Variants in RORA observed in about 807,000 individuals in gnomAD.
The protein encoded by RORA is nuclear receptor ROR-alpha.
In RORA, 7 loss-of-function variants were observed where a neutral mutation model predicts 69.5. The ratio of observed to expected loss-of-function variants is 0.10; its 90% CI spans 0.06 to 0.19. The LOEUF is 0.19. RORA is among the 10% of genes least tolerant of loss of function. The pLI is 1.00. For missense variants in RORA, 457 were observed against 663.0 expected, an observed-to-expected ratio of 0.69 and a Z score of 3.41; for synonymous variants, 261 against 240.8, an observed-to-expected ratio of 1.08 and a Z score of -0.78.
chr15:61,180,334 A>G (rs1363345826), intron 1 of RORA, among the ~76,000 whole-genome samples: 1 of 152,158 alleles, frequency 6.6e-6, no homozygotes, highest in Non-Finnish European at 1.5e-5. Context: ...GAGAAATAAT[A>G]TCTTCTACGA....
intron 1 of RORA, among the ~76,000 whole-genome samples, chr15:60,769,148 T>C (rs1423930516): frequency 6.6e-6 from 1 of 152,196 alleles, no homozygotes; most frequent in South Asian, 2.1e-4. Context: ...AACAGGTTCT[T>C]AGCTGTTAGT....
At chr15:60,658,126 G>A (rs968943504) in intron 2 of RORA, among the ~76,000 whole-genome samples, 2 of 151,866 alleles carry the variant, frequency 1.3e-5, no homozygotes, top group African/African-American at 4.8e-5. Flanking sequence ...TGTTGTCCAG[G>A]CTGGAGTGCA....
At chr15:60,581,204 A>G (rs189357113) in intron 2 of RORA, among the ~76,000 whole-genome samples, 3 of 152,348 alleles carry the variant, frequency 2.0e-5, no homozygotes, top group Admixed American at 2.0e-4. Context: ...GAAATTGCAT[A>G]GAAACTTCCA....
At chr15:60,880,806 G>T (rs2073670550) in intron 1 of RORA, among the ~76,000 whole-genome samples, 2 of 152,212 alleles carry the variant, frequency 1.3e-5, no homozygotes, top group South Asian at 4.2e-4. Flanking sequence ...ATAACACAAA[G>T]AAATTAAATT....
In RORA at chr15:60,981,197, T is replaced by C. The variant is rs574028904; in HGVS notation, c.166+247856A>G. On this transcript the variant is annotated intron_variant, in intron 1 of 10. Transcript: ENST00000335670. ...TGATAATTTTACTGAGGATTTCTTC[T>C]ATATAATAAGTTGCTTCTCTCTTAC... 9.2e-5 allele frequency among the ~76,000 whole-genome samples: 14 copies of C among 152,230 alleles called. No homozygotes were observed. The South Asian group carries it at 2.9e-3, about 32-fold the overall frequency.
At chr15:61,138,207 T>G (rs772404149) in intron 1 of RORA, among the ~76,000 whole-genome samples, 4 of 152,210 alleles carry the variant, frequency 2.6e-5, no homozygotes, top group Non-Finnish European at 4.4e-5. Context: ...ATGTATTTGG[T>G]TCTTAAGATT....
intron 1 of RORA, among the ~76,000 whole-genome samples, chr15:60,921,115 T>C (rs534567090): frequency 7.9e-5 from 12 of 152,312 alleles, no homozygotes; most frequent in East Asian, 1.9e-4. Context: ...AAATGGGTGA[T>C]AGAAAGAAAA....
intron 1 of RORA, among the ~76,000 whole-genome samples, chr15:60,911,276 C>T (rs938904648): frequency 2.6e-5 from 4 of 151,820 alleles, no homozygotes; most frequent in African/African-American, 4.8e-5. Flanking sequence ...TCCTCTGTGA[C>T]GGAAGCTCCT....
At chr15:60,880,754 T>C (rs534994582) in intron 1 of RORA, among the ~76,000 whole-genome samples, 32 of 152,200 alleles carry the variant, frequency 2.1e-4, no homozygotes, top group Non-Finnish European at 4.4e-4. Flanking sequence ...TATATGCATA[T>C]AGCAATAATC....
At chr15:61,048,035 A>G (rs1399186477) in intron 1 of RORA, among the ~76,000 whole-genome samples, 2 of 152,198 alleles carry the variant, frequency 1.3e-5, no homozygotes, top group Non-Finnish European at 2.9e-5. Context: ...TTGGAAAAGA[A>G]AACACACACC....
intron 1 of RORA, among the ~76,000 whole-genome samples, chr15:61,015,939 G>A (rs1319777490): frequency 6.6e-6 from 1 of 152,142 alleles, no homozygotes; most frequent in Non-Finnish European, 1.5e-5. Flanking sequence ...CACAGTTTAC[G>A]TGGAATATGG....
At chr15:60,645,484 T>G (rs958965060) in intron 2 of RORA, among the ~76,000 whole-genome samples, 27 of 150,446 alleles carry the variant, frequency 1.8e-4, no homozygotes, top group African/African-American at 6.6e-4. Context: ...CTCTGCCTCC[T>G]GGGTTCAAGC....
intron 1 of RORA, among the ~76,000 whole-genome samples, chr15:60,841,669 A>G (rs1330886906): frequency 2.6e-5 from 4 of 152,216 alleles, no homozygotes; most frequent in Non-Finnish European, 5.9e-5. Flanking sequence ...GAAGGCCACA[A>G]GTGGACAGGT....
intron 1 of RORA, among the ~76,000 whole-genome samples, chr15:60,710,852 GCAAAC>G (rs2071133028): frequency 6.6e-6 from 1 of 151,836 alleles, no homozygotes; most frequent in African/African-American, 2.4e-5. Flanking sequence ...AGAATCCCAG[GCAAAC>G]CTCCAATCCT....
intron 5 of RORA, among the ~76,000 whole-genome samples, chr15:60,507,902 A>G (rs932601080): frequency 2.0e-5 from 3 of 152,190 alleles, no homozygotes; most frequent in Non-Finnish European, 4.4e-5. Context: ...TTGTCTTAAG[A>G]AACTGTGGCC....
At chr15:61,218,715 C>A (rs4519292) in intron 1 of RORA, among the ~76,000 whole-genome samples, 2 of 149,522 alleles carry the variant, frequency 1.3e-5, no homozygotes, top group South Asian at 4.2e-4. Context: ...CACACAATTT[C>A]CTTCTACAAA....
intron 1 of RORA, among the ~76,000 whole-genome samples, chr15:60,752,357 G>A (rs984243953): frequency 1.3e-5 from 2 of 152,148 alleles, no homozygotes; most frequent in African/African-American, 4.8e-5. Flanking sequence ...AGTATGTAAA[G>A]CGCAGGGACG....
intron 2 of RORA, among the ~76,000 whole-genome samples, chr15:60,536,392 C>G (rs1045876057): frequency 6.6e-6 from 1 of 152,176 alleles, no homozygotes; most frequent in Non-Finnish European, 1.5e-5. Flanking sequence ...ACTTTAAGCT[C>G]TTTCCGAGGT....
chr15:60,894,378 G>C (rs1043311348), intron 1 of RORA, among the ~76,000 whole-genome samples: 2 of 152,194 alleles, frequency 1.3e-5, no homozygotes, highest in African/African-American at 4.8e-5. Flanking sequence ...CGACAATCCT[G>C]TAACTGGCAC....
Sources: allele counts gnomAD v4.1 joint callset (sites outside exome capture counted in the v4.1 genomes callset), GRCh38; gene constraint gnomAD v4.1.1; transcripts MANE v1.5; gene names NCBI Gene and HGNC (gene_info 2026-07-23, HGNC 2026-07-21).